Variants in TEX11 observed in about 807,000 individuals in gnomAD.
TEX11 encodes the protein testis-expressed protein 11.
TEX11 carries 7 observed loss-of-function variants against 84.4 expected under a neutral mutation model. The ratio of observed to expected loss-of-function variants is 0.08; its 90% confidence interval spans 0.05 to 0.16. TEX11 has a LOEUF of 0.16. Among genes scored for constraint, TEX11 ranks in the 10% least tolerant of loss-of-function variants. TEX11 has a pLI of 1.00. For synonymous variants in TEX11, 264 were observed against 222.8 expected (o/e 1.18, Z -1.64); for missense variants, 551 against 660.5 (o/e 0.83, Z 1.82).
intron 13 of TEX11, among the ~76,000 whole-genome samples, chrX:70,715,463 C>T (rs2090488632): frequency 8.9e-6 from 1 of 111,775 alleles, no homozygotes; most frequent in Admixed American, 9.5e-5. Flanking sequence ...CATATAGTCC[C>T]ATATTTCTTG....
chrX:70,696,425 A>G (rs1048154370), intron 13 of TEX11, among the ~76,000 whole-genome samples: 2 of 111,688 alleles, frequency 1.8e-5, no homozygotes, highest in African/African-American at 6.5e-5. Context: ...CTAAGGCCTC[A>G]TATTAGTTTT....
At chrX:70,882,230 T>C (rs1298510164) in intron 2 of TEX11, among the ~76,000 whole-genome samples, 2 of 110,943 alleles carry the variant, frequency 1.8e-5, no homozygotes, top group Non-Finnish European at 3.8e-5. Context: ...AAAATTGATG[T>C]TTTTAAAAAT....
chrX:70,769,440 T>C (rs2090959407), intron 9 of TEX11, among the ~76,000 whole-genome samples: 1 of 111,807 alleles, frequency 8.9e-6, no homozygotes, highest in South Asian at 3.8e-4. Flanking sequence ...AGATCTATTG[T>C]TCCAACTATG....
intron 9 of TEX11, among the ~76,000 whole-genome samples, chrX:70,769,904 A>AT (rs1199114121): frequency 8.9e-6 from 1 of 112,007 alleles, no homozygotes; most frequent in Non-Finnish European, 1.9e-5. Flanking sequence ...TTTAGTTAAT[A>AT]ATTTTATCAC....
chrX:70,723,990 C>A, intron 12 of TEX11: 2 of 588,457 alleles, frequency 3.4e-6, no homozygotes, highest in Non-Finnish European at 4.1e-6. Flanking sequence ...ACTGACATTG[C>A]AACTTCGGGA....
At chrX:70,712,505 T>C (rs1167911211) in intron 13 of TEX11, among the ~76,000 whole-genome samples, 11 of 111,517 alleles carry the variant, frequency 9.9e-5, no homozygotes, top group Non-Finnish European at 1.9e-4. Context: ...AGGTCCTTCA[T>C]ATCCCTTGAA....
At chrX:70,827,457 T>C (rs1317681671) in intron 8 of TEX11, among the ~76,000 whole-genome samples, 2 of 111,240 alleles carry the variant, frequency 1.8e-5, no homozygotes, top group Non-Finnish European at 3.8e-5. Flanking sequence ...CAAATCCAGG[T>C]GTAGCCTCTT....
At position 70,732,248 on chromosome X, in the gene TEX11, C is replaced by T. The variant is rs540615131; in HGVS notation, c.844-6905G>A. ...ATTCCCTTTGAAAACTGGCACAAGA[C>T]AGGGATGCCCTCTCTCACCACTCCT... On this transcript the variant is annotated intron_variant, in intron 11 of 29. Transcript: ENST00000374333. Among the ~76,000 whole-genome samples the T allele has an allele frequency of 6.2e-4, 69 of 111,679 alleles. No homozygotes were observed. The South Asian group carries it at 0.026, about 42-fold the overall frequency.
intron 9 of TEX11, among the ~76,000 whole-genome samples, chrX:70,750,329 T>C (rs1178983083): frequency 8.9e-6 from 1 of 111,742 alleles, no homozygotes; most frequent in Non-Finnish European, 1.9e-5. Context: ...TTGGTGGGAC[T>C]GTAAACTAGT....
chrX:70,782,843 A>G (rs1024322786), intron 9 of TEX11, among the ~76,000 whole-genome samples: 1 of 110,092 alleles, frequency 9.1e-6, no homozygotes, highest in African/African-American at 3.3e-5. Context: ...ATCCTTAGAG[A>G]CCTACAAAGA....
chrX:70,833,281 AAAGAAAAG>A (rs1414717157), intron 8 of TEX11, among the ~76,000 whole-genome samples: 6 of 66,879 alleles, frequency 9.0e-5, no homozygotes, highest in Non-Finnish European at 1.7e-4. Flanking sequence ...GAAAAAAAAA[AAAGAAAAG>A]AAAAGAAAAG....
chrX:70,619,223 A>G (rs1257674061), intron 20 of TEX11, among the ~76,000 whole-genome samples: 1 of 111,964 alleles, frequency 8.9e-6, no homozygotes, highest in Non-Finnish European at 1.9e-5. Context: ...CTAAGCAAGA[A>G]ACCTAACTAT....
At chrX:70,885,428 G>T (rs764847713) in intron 2 of TEX11, among the ~76,000 whole-genome samples, 1 of 111,895 alleles carries the variant, frequency 8.9e-6, no homozygotes, top group African/African-American at 3.2e-5. Context: ...AATTTCAACA[G>T]AGATAGAAAA....
chrX:70,679,626 G>C (rs926759744), intron 14 of TEX11, among the ~76,000 whole-genome samples: 2 of 105,510 alleles, frequency 1.9e-5, no homozygotes, highest in Admixed American at 2.0e-4. Context: ...CCTCCGCCCG[G>C]CAGCCGCGCT....
intron 24 of TEX11, among the ~76,000 whole-genome samples, chrX:70,604,333 G>A (rs893288572): frequency 9.0e-6 from 1 of 111,674 alleles, no homozygotes; most frequent in Non-Finnish European, 1.9e-5. Context: ...ACCTTTGCCT[G>A]TTAAGTAGAA....
chrX:70,875,413 C>T (rs1010952629), intron 3 of TEX11, among the ~76,000 whole-genome samples: 2 of 109,185 alleles, frequency 1.8e-5, no homozygotes, highest in Admixed American at 9.8e-5. Context: ...TTATGATAAC[C>T]TTCCTTGATG....
chrX:70,520,080 G>T, the TEX11 span, among the ~76,000 whole-genome samples: 1 of 111,849 alleles, frequency 8.9e-6, no homozygotes, highest in Admixed American at 9.6e-5. Context: ...TTAGCTTGGA[G>T]AAGTTTGTTG....
At chrX:70,741,282 C>G (rs1221242908) in intron 10 of TEX11, among the ~76,000 whole-genome samples, 1 of 111,370 alleles carries the variant, frequency 9.0e-6, no homozygotes, top group Non-Finnish European at 1.9e-5. Flanking sequence ...AAAGACGTAA[C>G]AAAATGAACG....
At chrX:70,715,261 A>G (rs1256888928) in intron 13 of TEX11, among the ~76,000 whole-genome samples, 2 of 109,443 alleles carry the variant, frequency 1.8e-5, no homozygotes, top group African/African-American at 3.4e-5. Flanking sequence ...GAATCTGACA[A>G]TTATGTGTCT....
Sources: gnomAD v4.1 joint callset for allele counts (sites outside exome capture counted in the v4.1 genomes callset) on GRCh38, gnomAD v4.1.1 for gene constraint, MANE v1.5 for transcripts, NCBI Gene and HGNC (gene_info 2026-07-23, HGNC 2026-07-21) for gene names.